Variants in C19orf47 observed in about 807,000 individuals in gnomAD.
C19orf47 encodes chromosome 19 open reading frame 47.
In C19orf47, 18 loss-of-function variants were observed where a neutral mutation model predicts 32.3. The ratio of observed to expected loss-of-function variants is 0.56; its 90% confidence interval spans 0.39 to 0.83. C19orf47 has a LOEUF of 0.83. C19orf47 is among the 40% of genes least tolerant of loss of function. The probability of loss-of-function intolerance (pLI) is 0.00; values close to 1 mark genes in which losing one functional copy is unlikely to be tolerated. For missense variants in C19orf47, 484 were observed against 531.6 expected, an observed-to-expected ratio of 0.91 and a Z score of 0.88; for synonymous variants, 202 against 211.1, an observed-to-expected ratio of 0.96 and a Z score of 0.37.
At chr19:40,306,991 A>T in the C19orf47 span, among the ~76,000 whole-genome samples, 1 of 149,138 alleles carries the variant, frequency 6.7e-6, no homozygotes, top group African/African-American at 2.5e-5. Flanking sequence ...GGGTTTCACC[A>T]TGTTAGCCAG....
chr19:40,339,270 G>A (rs1007245514), intron 2 of C19orf47: 1 of 152,444 alleles, frequency 6.6e-6, no homozygotes, highest in Admixed American at 6.5e-5. Flanking sequence ...GCTAAGGAAG[G>A]AAAATATGCA....
At chr19:40,293,412 C>G in the C19orf47 span, among the ~76,000 whole-genome samples, 1 of 151,950 alleles carries the variant, frequency 6.6e-6, no homozygotes, top group African/African-American at 2.4e-5. Context: ...TCCCAAAGTG[C>G]TGGGATTACA....
At chr19:40,345,271 G>A (rs1203474581) in intron 1 of C19orf47, among the ~76,000 whole-genome samples, 1 of 151,830 alleles carries the variant, frequency 6.6e-6, no homozygotes, top group Admixed American at 6.6e-5. Flanking sequence ...AAAACTCAAG[G>A]GATTACCACA....
intron 5 of C19orf47, among the ~76,000 whole-genome samples, chr19:40,331,770 C>T (rs74768924): frequency 0.11 from 17,002 of 152,202 alleles, 1,372 homozygotes; most frequent in African/African-American, 0.23. Context: ...GGTGCGGTGG[C>T]TAATGGCTGT....
chr19:40,336,129 G>A lies in C19orf47; in HGVS notation c.203C>T (p.Ala68Val). The A allele has an allele frequency of 6.2e-7, 1 of 1,614,154 alleles. No individual in the cohort carries two copies. The highest frequency in any genetic ancestry group is 2.2e-5 in the East Asian group (1 of 44,878). The change falls in exon 4 of 9, where the codon GCC (alanine) becomes GTC (valine). Residue 68 changes from alanine to valine, a missense_variant. Physicochemically the swap from Ala to Val is moderately conservative, Grantham distance 64. This residue lies in a region of C19orf47 where 376 missense variants were observed against 370.2 expected (regional missense o/e 1.02). Coordinates refer to ENST00000683109, the MANE Select transcript of C19orf47 (RefSeq NM_001256441.2). ...VGDIIAILKH[A>V]KVVHRQDMCK... is the part of the protein sequence containing the mutation. ...ACCCACCTGACGGTGCACCACTTTG[G>A]CATGCTTGAGAATGGCGATGATGTC...
chr19:40,306,671 G>A, the C19orf47 span, among the ~76,000 whole-genome samples: 1 of 152,040 alleles, frequency 6.6e-6, no homozygotes, highest in Non-Finnish European at 1.5e-5. Context: ...CCAAAGTGCT[G>A]GGATTACAGG....
Position 40,333,884 on chromosome 19 carries a change from G to A in C19orf47, c.268C>T (p.Pro90Ser). ...CCACGGCGAATTTCGCCTGCAAGGG[G>A]GCTAGGGCTGCAGGGTACTGACTCA... ...ATESVPCSPS[P>S]LAGEIRRGTS... is the part of the protein sequence containing the mutation. The change falls in exon 5 of 9, where the codon CCC becomes TCC. Residue 90 changes from proline to serine, a missense_variant. Around this residue, in one of 3 missense-constraint regions of C19orf47, gnomAD observed 376 missense variants for 370.2 expected, o/e 1.02. Transcript: ENST00000683109. 6.3e-7 allele frequency: 1 copy of A among 1,580,686 alleles called. No homozygotes were observed. The highest frequency in any genetic ancestry group is 8.6e-7 in the Non-Finnish European group (1 of 1,161,824).
chr19:40,342,008 C>G, intron 1 of C19orf47, 118 bp from the exon 2 acceptor site: 1 of 1,500,820 alleles, frequency 6.7e-7, no homozygotes, highest in Non-Finnish European at 8.9e-7. Flanking sequence ...GGCTCACCGC[C>G]CAGGAATAGC....
At chr19:40,307,552 G>A in the C19orf47 span, among the ~76,000 whole-genome samples, 1 of 151,968 alleles carries the variant, frequency 6.6e-6, no homozygotes, top group East Asian at 1.9e-4. Flanking sequence ...GCTAATTTTT[G>A]TATTTTTTGT....
chr19:40,313,791 C>T, the C19orf47 span, among the ~76,000 whole-genome samples: 1 of 152,036 alleles, frequency 6.6e-6, no homozygotes, highest in Non-Finnish European at 1.5e-5. Flanking sequence ...CTGCAGTAAG[C>T]TACGATTGTG....
At chr19:40,307,026 T>A in the C19orf47 span, among the ~76,000 whole-genome samples, 1 of 151,416 alleles carries the variant, frequency 6.6e-6, no homozygotes, top group Admixed American at 6.6e-5. Flanking sequence ...CCTGACCTCG[T>A]GATCCGCCCG....
intron 2 of C19orf47, among the ~76,000 whole-genome samples, chr19:40,336,694 C>A (rs775019867): frequency 6.6e-6 from 1 of 152,192 alleles, no homozygotes; most frequent in Non-Finnish European, 1.5e-5. Flanking sequence ...ACCTTTACCA[C>A]AGCCTTTCTC....
At chr19:40,329,829 T>C (rs1193067425) in intron 5 of C19orf47, among the ~76,000 whole-genome samples, 1 of 152,200 alleles carries the variant, frequency 6.6e-6, no homozygotes, top group Non-Finnish European at 1.5e-5. Context: ...TTCACAATAC[T>C]CTTTACCTAG....
chr19:40,325,485 GGGCAT>G (rs1434029670), intron 7 of C19orf47, among the ~76,000 whole-genome samples: 1 of 151,716 alleles, frequency 6.6e-6, no homozygotes, highest in Non-Finnish European at 1.5e-5. Context: ...AAAATTAGGT[GGGCAT>G]GGTGGCATGA....
downstream of C19orf47, among the ~76,000 whole-genome samples, chr19:40,316,430 TCTC>T (rs2077662537): frequency 6.6e-6 from 1 of 152,138 alleles, no homozygotes; most frequent in African/African-American, 2.4e-5. Context: ...TGCACCACCA[TCTC>T]CTCATCCGTT....
the C19orf47 span, among the ~76,000 whole-genome samples, chr19:40,308,224 C>T: frequency 5.3e-5 from 8 of 151,800 alleles, no homozygotes; most frequent in East Asian, 1.9e-4. Flanking sequence ...GACACAATCT[C>T]GGCTCACAGC....
rs1413794559 is a variant in C19orf47, at chr19:40,326,318, C to T, written c.592+16G>A. 1.2e-6 allele frequency: 2 copies of T among 1,613,888 alleles called. No homozygotes were observed. The highest frequency in any genetic ancestry group is 8.5e-7 in the Non-Finnish European group (1 of 1,179,896). ...CATGGACCCCGCAGGGAAGCATGCCCCTGATGGGCCAGTACCTTTTGCAGC... is the reference window on the plus strand; with the variant it reads ...CATGGACCCCGCAGGGAAGCATGCCTCTGATGGGCCAGTACCTTTTGCAGC... On this transcript the variant is annotated intron_variant, in intron 7 of 8. Coordinates refer to ENST00000683109, the MANE Select transcript of C19orf47 (RefSeq NM_001256441.2).
At chr19:40,301,213 A>T in the C19orf47 span, among the ~76,000 whole-genome samples, 17 of 152,148 alleles carry the variant, frequency 1.1e-4, no homozygotes, top group African/African-American at 4.1e-4. Context: ...ATTACATGGG[A>T]CTGAGCTGAC....
At chr19:40,311,477 G>C in the C19orf47 span, among the ~76,000 whole-genome samples, 3 of 152,016 alleles carry the variant, frequency 2.0e-5, no homozygotes, top group African/African-American at 4.8e-5. Flanking sequence ...GAGAGGCGGA[G>C]AGTGCAGTGA....
Sources: gnomAD v4.1 joint callset for allele counts (sites outside exome capture counted in the v4.1 genomes callset) on GRCh38, gnomAD v4.1.1 for gene constraint, gnomAD v4.1.1 regional missense constraint, MANE v1.5 for transcripts, NCBI Gene and HGNC (gene_info 2026-07-23, HGNC 2026-07-21) for gene names.